Variants in ERMN observed in about 807,000 individuals in gnomAD.
The protein encoded by ERMN is ermin.
In ERMN, 17 loss-of-function variants were observed where a neutral mutation model predicts 21.4. The observed-to-expected ratio is 0.80, with a 90% CI of 0.54 to 1.19. The LOEUF (loss-of-function observed/expected upper bound fraction) is 1.19, where lower values mean the gene tolerates loss of function less well. ERMN is among the 50% of genes most tolerant of loss of function. The probability of loss-of-function intolerance (pLI) is 0.00; values close to 1 mark genes in which losing one functional copy is unlikely to be tolerated. For missense variants in ERMN, 348 were observed against 331.6 expected (o/e 1.05, Z -0.38); for synonymous variants, 115 against 111.9 (o/e 1.03, Z -0.17).
At chr2:157,324,102 A>G in intron 2 of ERMN, 1 of 210,860 alleles carries the variant, frequency 4.7e-6, no homozygotes, top group South Asian at 5.2e-5. Flanking sequence ...ATACACACAC[A>G]CACACACACA....
chr2:157,327,321 G>A (rs1684091190), upstream of ERMN: 1 of 617,244 alleles, frequency 1.6e-6, no homozygotes, highest in Non-Finnish European at 2.9e-6. Context: ...ATAGATCCTA[G>A]ATCTCCCTCC....
chr2:157,325,532 G>A lies in ERMN; in HGVS notation c.111C>T (p.Asp37=), dbSNP rs1170444728. 14 of 1,614,090 alleles carry A rather than the reference G, an allele frequency of 8.7e-6. No homozygotes were observed. Among genetic ancestry groups the A allele is most frequent in the Non-Finnish European group, 1.1e-5 (13 of 1,180,042 alleles). The stretch of plus-strand genomic sequence containing the variant: ...CTACCCTGTAGTGTGGCAGGGGGCT[G>A]TCCACATCAGTCAATTCCTCACTGA... ...TKISEELTDV[D]SPLPHYRVEP... The change falls in exon 1 of 3, where the codon GAC becomes GAT. Residue 37 remains aspartate (D), a synonymous_variant. Coordinates refer to ENST00000410096, the MANE Select transcript of ERMN (RefSeq NM_020711.3).
At position 157,319,603 on chromosome 2, in the gene ERMN, C is replaced by T. The variant is rs1163238678; in HGVS notation, c.*1668G>A. ...GATCTAAATTAAATTGGAAATTGTC[C>T]TATTGCATCAATCTTCTCCCTAACT... is the stretch of plus-strand genomic sequence containing the variant. On this transcript the variant is annotated 3_prime_UTR_variant, in exon 3 of 3. Coordinates refer to ENST00000410096, the MANE Select transcript of ERMN (RefSeq NM_020711.3). The T allele has an allele frequency of 6.6e-6, 1 of 152,124 alleles. No individual in the cohort carries two copies. The highest frequency in any genetic ancestry group is 1.5e-5 in the Non-Finnish European group (1 of 68,018). The allele number at this position is 152,124 out of a possible 1,614,324, so 9.4% of individuals were successfully genotyped here.
intron 2 of ERMN, among the ~76,000 whole-genome samples, chr2:157,322,400 T>G (rs980725398): frequency 6.6e-6 from 1 of 152,144 alleles, no homozygotes; most frequent in African/African-American, 2.4e-5. Context: ...CTCAACAATA[T>G]TTATTGAATA....
In ERMN at chr2:157,324,701, T is replaced by C. The variant is rs185510862; in HGVS notation, c.303A>G (p.Glu101=). The C allele has an allele frequency of 3.0e-5, 49 of 1,613,646 alleles. No individual in the cohort carries two copies. The African/African-American group carries it at 6.1e-4, about 20-fold the overall frequency. Residue 101 remains glutamate, a synonymous_variant, in exon 2 of 3, where the codon GAA becomes GAG. Coordinates refer to ENST00000410096, the MANE Select transcript of ERMN (RefSeq NM_020711.3). ...HKAITDLSLQ[E]TSADEMTFRE... is the part of the protein sequence containing the mutation. ...TGAATGTCATTTCATCAGCACTAGT[T>C]TCTTGGAGAGAAAGATCTGTGATAG...
rs1274641943 is a variant in ERMN, at chr2:157,319,870, TG to T, written c.*1400del. 6.6e-6 allele frequency: 1 copy of T among 152,174 alleles called. No individual in the cohort carries two copies. The highest frequency in any genetic ancestry group is 1.5e-5 in the Non-Finnish European group (1 of 68,026). 9.4% of individuals were successfully genotyped at this position (152,174 alleles called of 1,614,324 possible). On this transcript the variant is annotated 3_prime_UTR_variant, in exon 3 of 3. Coordinates refer to ENST00000410096, the MANE Select transcript of ERMN (RefSeq NM_020711.3). ...GATTAAAGAAGTTGTCATTAGAATA[TG>T]TGGGATTTATGTTACACATAAATAA...
At chr2:157,321,870 AT>A in intron 2 of ERMN, 79 bp from the exon 3 acceptor site, 1 of 1,280,794 alleles carries the variant, frequency 7.8e-7, no homozygotes, top group Middle Eastern at 2.0e-4. Flanking sequence ...TCTCCAAATA[AT>A]TTTTCTTGCT....
intron 2 of ERMN, among the ~76,000 whole-genome samples, chr2:157,322,519 T>C (rs909663564): frequency 1.3e-5 from 2 of 152,252 alleles, no homozygotes; most frequent in Non-Finnish European, 2.9e-5. Context: ...GAAATCTGTC[T>C]GGGTTACACC....
At chr2:157,327,419 C>CTTAT, upstream of ERMN, 1 of 776,268 alleles carries the variant, frequency 1.3e-6, no homozygotes, top group Admixed American at 1.7e-5. Context: ...TCATATCACA[C>CTTAT]TTATTATGTG....
chr2:157,321,824 T>C, intron 2 of ERMN, 33 bp from the exon 3 acceptor site: 1 of 1,539,190 alleles, frequency 6.5e-7, no homozygotes, highest in Non-Finnish European at 8.7e-7. Flanking sequence ...ATGAGATGTG[T>C]AGAGATTCCA....
chr2:157,327,599 A>C (rs1684098253), upstream of ERMN: 2 of 688,970 alleles, frequency 2.9e-6, no homozygotes, highest in Non-Finnish European at 2.7e-6. Context: ...TACTGATGAG[A>C]GTTTGCAGCA....
chr2:157,327,411 A>C (rs1684093319), upstream of ERMN: 2 of 774,432 alleles, frequency 2.6e-6, no homozygotes, highest in South Asian at 2.7e-5. Context: ...ACAAACGCTC[A>C]TATCACACTT....
At position 157,321,592 on chromosome 2, in the gene ERMN, C is replaced by T. The variant is rs1388630693; in HGVS notation, c.534G>A (p.Glu178=). Residue 178 remains glutamate, a synonymous_variant, in exon 3 of 3, where the codon GAG becomes GAA. Coordinates refer to ENST00000410096, the MANE Select transcript of ERMN (RefSeq NM_020711.3). ...CAATTTCTTCATCCCAAACCTTCTG[C>T]TCCTCATCATGTTTAGAATGTAACA... is the stretch of plus-strand genomic sequence containing the variant. ...ADMLHSKHDE[E]QKVWDEEIDD... is the part of the protein sequence containing the mutation. 1.2e-6 allele frequency: 2 copies of T among 1,613,988 alleles called. No individual in the cohort carries two copies. The highest frequency in any genetic ancestry group is 8.5e-7 in the Non-Finnish European group (1 of 1,180,004).
In ERMN at chr2:157,319,275, A is replaced by G. The variant is rs1402313924; in HGVS notation, c.*1996T>C. The G allele has an allele frequency of 2.6e-5, 4 of 152,298 alleles. No individual in the cohort carries two copies. In the East Asian group the frequency reaches 7.7e-4, roughly 29 times the overall value. 9.4% of individuals were successfully genotyped at this position (152,298 alleles called of 1,614,324 possible). On this transcript the variant is annotated 3_prime_UTR_variant, in exon 3 of 3. Coordinates refer to ENST00000410096, the MANE Select transcript of ERMN (RefSeq NM_020711.3). ...AGTTTCTGTTGACTAAATCTTTCAT[A>G]GTTCATTCATTGTCTGGTGAGAGCA...
At chr2:157,323,109 C>A (rs75743030) in intron 2 of ERMN, among the ~76,000 whole-genome samples, 1 of 152,134 alleles carries the variant, frequency 6.6e-6, no homozygotes, top group African/African-American at 2.4e-5. Context: ...GAAAAACATA[C>A]TCCATCAAAC....
At chr2:157,326,364 C>T (rs114439153), upstream of ERMN, among the ~76,000 whole-genome samples, 954 of 152,300 alleles carry the variant, frequency 6.3e-3, 10 homozygotes, top group African/African-American at 0.022. Context: ...CAAATTCTAC[C>T]AACTTGCTAA....
intron 1 of ERMN, chr2:157,325,110 T>C: frequency 3.6e-6 from 2 of 557,026 alleles, no homozygotes; most frequent in Non-Finnish European, 6.9e-6. Context: ...ATACAGTAGT[T>C]AACATTTAGC....
chr2:157,325,557 A>T lies in ERMN; in HGVS notation c.86T>A (p.Ile29Asn). The T allele has an allele frequency of 6.2e-7, 1 of 1,614,048 alleles. No individual in the cohort carries two copies. Among genetic ancestry groups the T allele is most frequent in the Non-Finnish European group, 8.5e-7 (1 of 1,180,022 alleles). ...GTCCACATCAGTCAATTCCTCACTGATTTTAGTGATTGTTTGTTGACCGTT... is the reference window on the plus strand; with the variant it reads ...GTCCACATCAGTCAATTCCTCACTGTTTTTAGTGATTGTTTGTTGACCGTT... Reference protein sequence around the residue: ...PENGQQTITKISEELTDVDSP... With the variant: ...PENGQQTITKNSEELTDVDSP... Residue 29 changes from isoleucine to asparagine, a missense_variant, in exon 1 of 3, where the codon ATC becomes AAC. Physicochemically the swap from Ile to Asn is moderately radical, Grantham distance 149. Transcript: ENST00000410096.
rs748038565 is a variant in ERMN at position 157,324,666 on chromosome 2, T to A, written c.334+4A>T. ...TCTGTGTACAAAACTGTAGTTCTTG[T>A]TACCTTCTCTGAATGTCATTTCATC... On this transcript the variant is annotated splice_donor_region_variant and intron_variant, in intron 2 of 2. Transcript: ENST00000410096. 6.2e-7 allele frequency: 1 copy of A among 1,606,868 alleles called. No individual in the cohort carries two copies. Among genetic ancestry groups the A allele is most frequent in the East Asian group, 2.2e-5 (1 of 44,774 alleles).
Sources: gnomAD v4.1 joint callset for allele counts (sites outside exome capture counted in the v4.1 genomes callset) on GRCh38, gnomAD v4.1.1 for gene constraint, MANE v1.5 for transcripts, NCBI Gene and HGNC (gene_info 2026-07-23, HGNC 2026-07-21) for gene names.